Variants in CAMK1D observed in about 807,000 individuals in gnomAD.
CAMK1D encodes the protein calcium/calmodulin dependent protein kinase ID.
CAMK1D carries 9 observed loss-of-function variants against 47.7 expected under a neutral mutation model. That is an observed-to-expected ratio of 0.19 (90% CI 0.11 to 0.33). CAMK1D has a LOEUF of 0.33. Ranked by LOEUF, CAMK1D falls within the 10% of genes least tolerant of loss-of-function variation. CAMK1D has a pLI of 1.00. For synonymous variants in CAMK1D, 184 were observed against 184.9 expected, an observed-to-expected ratio of 0.99 and a Z score of 0.04; for missense variants, 291 against 488.7, an observed-to-expected ratio of 0.60 and a Z score of 3.81.
intron 6 of CAMK1D, among the ~76,000 whole-genome samples, chr10:12,796,896 GA>G (rs987960142): frequency 4.6e-5 from 7 of 150,958 alleles, no homozygotes; most frequent in South Asian, 2.1e-4. Flanking sequence ...ACTCAGAGGA[GA>G]AAAAAAAAGA....
At chr10:12,786,803 G>A (rs1397278994) in intron 5 of CAMK1D, among the ~76,000 whole-genome samples, 1 of 152,220 alleles carries the variant, frequency 6.6e-6, no homozygotes. Flanking sequence ...AATTATTTAA[G>A]TGTAGTTAGT....
intron 1 of CAMK1D, among the ~76,000 whole-genome samples, chr10:12,435,306 A>T (rs1003165283): frequency 1.3e-5 from 2 of 150,998 alleles, no homozygotes; most frequent in African/African-American, 2.4e-5. Flanking sequence ...CCCCACTGAC[A>T]CTGATGGATC....
intron 2 of CAMK1D, among the ~76,000 whole-genome samples, chr10:12,594,685 G>T (rs909120391): frequency 2.3e-4 from 35 of 152,206 alleles, no homozygotes; most frequent in African/African-American, 7.7e-4. Context: ...GGCTAGTTTA[G>T]GTTACAGGCA....
Position 12,832,370 on chromosome 10 carries a change from G to A in CAMK1D, c.*3483G>A, listed in dbSNP as rs1333132422. On this transcript the variant is annotated 3_prime_UTR_variant, in exon 11 of 11. Transcript: ENST00000619168. ...TTCCCAGCGGGCACACGGGTCCGGAGCCTCAGAATGAAGTGGTGCAGAGGC... is the reference window on the plus strand; with the variant it reads ...TTCCCAGCGGGCACACGGGTCCGGAACCTCAGAATGAAGTGGTGCAGAGGC... 6.6e-6 allele frequency: 1 copy of A among 152,276 alleles called. No homozygotes were observed. The highest frequency in any genetic ancestry group is 1.5e-5 in the Non-Finnish European group (1 of 68,110). The allele number at this position is 152,276 out of a possible 1,614,324, so 9.4% of individuals were successfully genotyped here.
At chr10:12,410,490 A>C (rs1305802687) in intron 1 of CAMK1D, among the ~76,000 whole-genome samples, 1 of 152,190 alleles carries the variant, frequency 6.6e-6, no homozygotes, top group Admixed American at 6.5e-5. Flanking sequence ...GAGTCTGCTC[A>C]AGACAGACAC....
chr10:12,500,542 A>T (rs1834670188), intron 1 of CAMK1D, among the ~76,000 whole-genome samples: 1 of 152,170 alleles, frequency 6.6e-6, no homozygotes, highest in African/African-American at 2.4e-5. Context: ...GCCATTCCAG[A>T]GATTGAGAAT....
chr10:12,485,267 C>T (rs944748083), intron 1 of CAMK1D, among the ~76,000 whole-genome samples: 7 of 152,136 alleles, frequency 4.6e-5, no homozygotes, highest in Non-Finnish European at 7.4e-5. Context: ...GGTAGAGAGA[C>T]GTGGCTGCCT....
chr10:12,814,000 G>GCTGGT (rs1296395144), intron 6 of CAMK1D, among the ~76,000 whole-genome samples, 195 bp from the exon 7 acceptor site: 2 of 148,662 alleles, frequency 1.3e-5, no homozygotes, highest in Non-Finnish European at 2.9e-5. Context: ...TGTTGGCCAG[G>GCTGGT]CTGGTCTGGA....
chr10:12,535,365 C>T (rs1367589411), intron 1 of CAMK1D, among the ~76,000 whole-genome samples: 1 of 152,198 alleles, frequency 6.6e-6, no homozygotes, highest in African/African-American at 2.4e-5. Flanking sequence ...CTTGTTCCCC[C>T]TGCCCCCACC....
chr10:12,350,381 C>T (rs1191475721), intron 1 of CAMK1D, among the ~76,000 whole-genome samples: 1 of 152,256 alleles, frequency 6.6e-6, no homozygotes, highest in East Asian at 1.9e-4. Flanking sequence ...GAATTGGCAT[C>T]TGCACGTACG....
chr10:12,734,604 T>TGGCTGTATCCCTCTTTGACTC (rs1330360775), intron 3 of CAMK1D, among the ~76,000 whole-genome samples: 23 of 150,544 alleles, frequency 1.5e-4, no homozygotes, highest in South Asian at 8.4e-4. Context: ...CTCTTTGACT[T>TGGCTGTATCCCTCTTTGACTC]GGCTGTATCC....
chr10:12,786,262 T>C (rs1379706121), intron 5 of CAMK1D, among the ~76,000 whole-genome samples: 1 of 152,220 alleles, frequency 6.6e-6, no homozygotes, highest in African/African-American at 2.4e-5. Flanking sequence ...ATATTCACCC[T>C]CTGGCTTTGT....
chr10:12,374,192 G>A (rs775590601), intron 1 of CAMK1D, among the ~76,000 whole-genome samples: 23 of 148,168 alleles, frequency 1.6e-4, no homozygotes, highest in African/African-American at 5.5e-4. Context: ...CCCAGGAGGC[G>A]GAAGTTGCAG....
intron 1 of CAMK1D, among the ~76,000 whole-genome samples, chr10:12,441,995 G>T (rs1187053555): frequency 6.6e-6 from 1 of 152,094 alleles, no homozygotes; most frequent in African/African-American, 2.4e-5. Flanking sequence ...AAATTTTCTT[G>T]CACAATAATG....
chr10:12,355,631 GA>G (rs1052365351), intron 1 of CAMK1D, among the ~76,000 whole-genome samples: 8 of 151,992 alleles, frequency 5.3e-5, no homozygotes, highest in Non-Finnish European at 1.0e-4. Context: ...ACATTACTGA[GA>G]AAAAAGGAGG....
At chr10:12,576,313 T>C (rs984694005) in intron 2 of CAMK1D, among the ~76,000 whole-genome samples, 2 of 152,152 alleles carry the variant, frequency 1.3e-5, no homozygotes, top group Non-Finnish European at 2.9e-5. Context: ...TAACACAGTT[T>C]GGAGACTATT....
At chr10:12,598,411 A>T (rs1436911808) in intron 2 of CAMK1D, among the ~76,000 whole-genome samples, 1 of 152,230 alleles carries the variant, frequency 6.6e-6, no homozygotes, top group African/African-American at 2.4e-5. Context: ...CTCAAGATAC[A>T]TCAGGTTGTG....
intron 1 of CAMK1D, among the ~76,000 whole-genome samples, chr10:12,391,532 A>G (rs923472625): frequency 6.6e-6 from 1 of 152,196 alleles, no homozygotes; most frequent in Non-Finnish European, 1.5e-5. Flanking sequence ...TTTAAAAAAA[A>G]TTCCATTTTA....
chr10:12,815,944 T>C (rs189466665), intron 7 of CAMK1D, among the ~76,000 whole-genome samples: 73 of 152,328 alleles, frequency 4.8e-4, no homozygotes, highest in African/African-American at 1.7e-3. Flanking sequence ...AGGCACATGA[T>C]AACAAAGATA....
Sources: allele counts gnomAD v4.1 joint callset (sites outside exome capture counted in the v4.1 genomes callset), GRCh38; gene constraint gnomAD v4.1.1; transcripts MANE v1.5; gene names NCBI Gene and HGNC (gene_info 2026-07-23, HGNC 2026-07-21).